KMT2B: variants seen among roughly 807,000 people sequenced by gnomAD.
The protein encoded by KMT2B is lysine methyltransferase 2B.
In KMT2B, 22 loss-of-function variants were observed where a neutral mutation model predicts 255.3. The ratio of observed to expected loss-of-function variants is 0.09; its 90% CI spans 0.06 to 0.12. The LOEUF is 0.12. KMT2B is among the 10% of genes least tolerant of loss of function. The pLI is 1.00. For missense variants in KMT2B, 3,149 were observed against 3,737.0 expected, an observed-to-expected ratio of 0.84 and a Z score of 4.10; for synonymous variants, 1,730 against 1,498.1, an observed-to-expected ratio of 1.15 and a Z score of -3.57.
rs1425421091 is a variant in KMT2B, at chr19:35,733,465, G to A, written c.6916G>A (p.Ala2306Thr). The change falls in exon 28 of 37, where the codon GCC becomes ACC. Residue 2306 changes from alanine to threonine, a missense_variant. By Grantham distance (58) the Ala-to-Thr change is moderately conservative. Around this residue, in one of 18 missense-constraint regions of KMT2B, gnomAD observed 897 missense variants for 825.3 expected, o/e 1.09. Coordinates refer to ENST00000420124, the MANE Select transcript of KMT2B (RefSeq NM_014727.3). The surrounding 1 kb of genome is among the most constrained non-coding windows in gnomAD (Gnocchi z 4.3). ...CCCCCGGCTGGATGAAGATGGAGAGGCCTCAGAGGATACCCCTCAGGTTCC... is the reference window on the plus strand; with the variant it reads ...CCCCCGGCTGGATGAAGATGGAGAGACCTCAGAGGATACCCCTCAGGTTCC... ...KAPRLDEDGE[A>T]SEDTPQVPGL... is the part of the protein sequence containing the mutation. The A allele has an allele frequency of 6.4e-7, 1 of 1,563,128 alleles. No individual in the cohort carries two copies. Among genetic ancestry groups the A allele is most frequent in the Admixed American group, 1.9e-5 (1 of 52,958 alleles).
chr19:35,723,415 C>A lies in KMT2B; in HGVS notation c.3003-32C>A. The stretch of plus-strand genomic sequence containing the variant: ...TCTCTTCCCCCAGACCACCAGTCCC[C>A]TACCCTGGTGACGTGCTGCTCCCCT... On this transcript the variant is annotated intron_variant, in intron 6 of 36. Transcript: ENST00000420124. The surrounding 1 kb of genome is among the most constrained non-coding windows in gnomAD (Gnocchi z 7.5). 6.4e-7 allele frequency: 1 copy of A among 1,559,728 alleles called. No individual in the cohort carries two copies. Among genetic ancestry groups the A allele is most frequent in the Non-Finnish European group, 8.7e-7 (1 of 1,150,770 alleles).
chr19:35,731,077 T>C (rs1969671729), intron 26 of KMT2B, among the ~76,000 whole-genome samples: 1 of 152,214 alleles, frequency 6.6e-6, no homozygotes, highest in South Asian at 2.1e-4. Flanking sequence ...AGCGGCACGC[T>C]GCCTACTTGA....
chr19:35,729,343 GA>G (rs1357061998), intron 22 of KMT2B, 47 bp downstream of exon 22: 1 of 1,554,656 alleles, frequency 6.4e-7, no homozygotes, highest in Non-Finnish European at 8.7e-7. Flanking sequence ...GGCTCTTGGG[GA>G]GGCCTCCTCC....
chr19:35,728,049 G>T lies in KMT2B; in HGVS notation c.4498-49G>T, dbSNP rs779013609. On this transcript the variant is annotated intron_variant, in intron 18 of 36. Coordinates refer to ENST00000420124, the MANE Select transcript of KMT2B (RefSeq NM_014727.3). ...GGACCTTCAGACCCTGCCCCTGCCAGCTCTCCTGGGGAAGCTGGCTCTTCT... is the reference window on the plus strand; with the variant it reads ...GGACCTTCAGACCCTGCCCCTGCCATCTCTCCTGGGGAAGCTGGCTCTTCT... The T allele has an allele frequency of 3.2e-6, 5 of 1,561,948 alleles. No homozygotes were observed. The South Asian group carries it at 4.7e-5, about 15-fold the overall frequency.
chr19:35,724,133 G>C (rs748014382), intron 8 of KMT2B, 126 bp downstream of exon 8: 215 of 917,986 alleles, frequency 2.3e-4, no homozygotes, highest in Non-Finnish European at 3.1e-4. Context: ...GAGGGCGGAG[G>C]AGGAGACAGT....
In KMT2B at chr19:35,725,870, A is replaced by C. The variant is rs955759985; in HGVS notation, c.3885+52A>C. On this transcript the variant is annotated intron_variant, in intron 13 of 36. Coordinates refer to ENST00000420124, the MANE Select transcript of KMT2B (RefSeq NM_014727.3). This position sits in a 1 kb window ranked among gnomAD's most constrained non-coding sequence, Gnocchi z 4.1. ...TTTGTCTCTAATGAATATCACCACC[A>C]CCCCCAAACTTGCTCTAGGCTGGGG... is the stretch of plus-strand genomic sequence containing the variant. 1.4e-4 allele frequency: 206 copies of C among 1,445,792 alleles called. 1 individual carries two copies. Among genetic ancestry groups the C allele is most frequent in the Non-Finnish European group, 1.7e-5 (18 of 1,051,844 alleles). The allele number at this position is 1,445,792 out of a possible 1,614,324, so 89.6% of individuals were successfully genotyped here. A position where few individuals can be genotyped will look rare whatever the true frequency, so the allele number is the denominator to read the frequency against.
chr19:35,723,287 G>A lies in KMT2B; in HGVS notation c.3002+13G>A. ...AGCAGTGCTGTGTGTGAGTAGCTGG[G>A]GCGTGACCTCATTCCCGTGGTTGTT... On this transcript the variant is annotated intron_variant, in intron 6 of 36. Coordinates refer to ENST00000420124, the MANE Select transcript of KMT2B (RefSeq NM_014727.3). The surrounding 1 kb of genome is among the most constrained non-coding windows in gnomAD (Gnocchi z 7.5). The A allele has an allele frequency of 6.2e-7, 1 of 1,606,668 alleles. No individual in the cohort carries two copies. Among genetic ancestry groups the A allele is most frequent in the Non-Finnish European group, 8.5e-7 (1 of 1,175,002 alleles).
intron 19 of KMT2B, among the ~76,000 whole-genome samples, chr19:35,728,431 C>T (rs1163619331): frequency 1.3e-5 from 2 of 151,890 alleles, no homozygotes; most frequent in East Asian, 1.9e-4. Flanking sequence ...ATTGTGGAGC[C>T]GGGCAGGCAC....
In KMT2B at chr19:35,722,564, C is replaced by T; in HGVS notation, c.2572-4C>T. 1 of 1,601,832 alleles carries T rather than the reference C, an allele frequency of 6.2e-7. No individual in the cohort carries two copies. The highest frequency in any genetic ancestry group is 8.5e-7 in the Non-Finnish European group (1 of 1,175,092). On this transcript the variant is annotated splice_polypyrimidine_tract_variant and splice_region_variant and intron_variant, in intron 4 of 36. Transcript: ENST00000420124. Reference sequence around the variant, plus strand: ...GCCCACACACACTCCGATTTCTCCCCCAGGGTCCCGAGTCCCCTGTGCAAG... The same window carrying T: ...GCCCACACACACTCCGATTTCTCCCTCAGGGTCCCGAGTCCCCTGTGCAAG...
Position 35,737,773 on chromosome 19 carries a change from T to TCAC in KMT2B, c.7658+30_7658+31insCAC. 1 of 1,551,758 alleles carries TCAC rather than the reference T, an allele frequency of 6.4e-7. No individual in the cohort carries two copies. Among genetic ancestry groups the TCAC allele is most frequent in the Non-Finnish European group, 8.7e-7 (1 of 1,145,500 alleles). On this transcript the variant is annotated intron_variant, in intron 34 of 36. Transcript: ENST00000420124. The surrounding 1 kb of genome is among the most constrained non-coding windows in gnomAD (Gnocchi z 5.3). ...GGAGTGTGAGCTGGGGGGCGGGTGG[T>TCAC]GGTCTGGAAGGGTCTTAGAGAGTGA... is the stretch of plus-strand genomic sequence containing the variant.
intron 30 of KMT2B, chr19:35,735,683 G>A (rs1436329996): frequency 6.6e-6 from 1 of 152,200 alleles, no homozygotes; most frequent in Non-Finnish European, 1.5e-5. Flanking sequence ...CAGGTTGCAG[G>A]GGGAGGTTTC....
chr19:35,730,988 T>C (rs912256973), intron 26 of KMT2B, 121 bp downstream of exon 26: 8 of 1,134,492 alleles, frequency 7.1e-6, no homozygotes, highest in Admixed American at 2.9e-5. Flanking sequence ...GTTGCTGTAA[T>C]GTAACGGCAG....
intron 8 of KMT2B, 122 bp downstream of exon 8, chr19:35,724,129 G>A (rs567826590): frequency 6.5e-5 from 62 of 957,100 alleles, no homozygotes; most frequent in Non-Finnish European, 7.9e-5. Flanking sequence ...GGCTGAGGGC[G>A]GAGGAGGAGA....
intron 26 of KMT2B, 23 bp from the exon 27 acceptor site, chr19:35,731,885 A>G (rs1226858043): frequency 6.4e-7 from 1 of 1,560,842 alleles, no homozygotes; most frequent in Non-Finnish European, 8.8e-7. Flanking sequence ...CTACCACCCC[A>G]ATGCCATTTC....
In KMT2B at chr19:35,718,115, C is replaced by T. The variant is rs1348715743; in HGVS notation, c.97C>T (p.Arg33Cys). ...RPRGAGGGGG[R>C]GGRGNGAERV... Reference sequence around the variant, plus strand: ...GCGGGGCGCCGGCGGGGGCGGGGGCCGCGGCGGACGGGGCAACGGGGCCGA... The same window carrying T: ...GCGGGGCGCCGGCGGGGGCGGGGGCTGCGGCGGACGGGGCAACGGGGCCGA... The change falls in exon 1 of 37, where the codon CGC (arginine) becomes TGC (cysteine). Residue 33 changes from arginine (R) to cysteine (C), a missense_variant. Transcript: ENST00000420124. This position sits in a 1 kb window ranked among gnomAD's most constrained non-coding sequence, Gnocchi z 5.0. 4 of 1,000,838 alleles carry T rather than the reference C, an allele frequency of 4.0e-6. No individual in the cohort carries two copies. The highest frequency in any genetic ancestry group is 4.8e-6 in the Non-Finnish European group (4 of 841,658). The allele number at this position is 1,000,838 out of a possible 1,614,324, so 62.0% of individuals were successfully genotyped here. A position where few individuals can be genotyped will look rare whatever the true frequency, so the allele number is the denominator to read the frequency against.
Position 35,733,282 on chromosome 19 carries a change from G to A in KMT2B, c.6733G>A (p.Val2245Met), listed in dbSNP as rs771130237. 39 of 1,450,074 alleles carry A rather than the reference G, an allele frequency of 2.7e-5. No homozygotes were observed. Among genetic ancestry groups the A allele is most frequent in the Admixed American group, 4.1e-5 (2 of 48,902 alleles). The allele number at this position is 1,450,074 out of a possible 1,614,324, so 89.8% of individuals were successfully genotyped here. The change falls in exon 28 of 37, where the codon GTG becomes ATG. Residue 2245 changes from valine to methionine, a missense_variant. Physicochemically the swap from Val to Met is conservative, Grantham distance 21 (BLOSUM62 1). This residue lies in a region of KMT2B where 897 missense variants were observed against 825.3 expected (regional missense o/e 1.09). Coordinates refer to ENST00000420124, the MANE Select transcript of KMT2B (RefSeq NM_014727.3). This position sits in a 1 kb window ranked among gnomAD's most constrained non-coding sequence, Gnocchi z 4.3. Reference protein sequence around the residue: ...PPGPLLGVLPVVGVVRPAPPP... With the variant: ...PPGPLLGVLPMVGVVRPAPPP... The stretch of plus-strand genomic sequence containing the variant: ...AGGCCCCCTCCTCGGCGTGCTGCCC[G>A]TGGTCGGAGTGGTCCGCCCTGCCCC...
In KMT2B at chr19:35,733,545, G is replaced by A. The variant is rs1969806855; in HGVS notation, c.6959+37G>A. 1 of 1,555,086 alleles carries A rather than the reference G, an allele frequency of 6.4e-7. No homozygotes were observed. The highest frequency in any genetic ancestry group is 1.9e-5 in the Admixed American group (1 of 51,344). ...TGCTGAGGCTGGCAGAGCAGGCAAGGGGGCAGATGGGCGGGAGATGCGGCT... is the reference window on the plus strand; with the variant it reads ...TGCTGAGGCTGGCAGAGCAGGCAAGAGGGCAGATGGGCGGGAGATGCGGCT... On this transcript the variant is annotated intron_variant, in intron 28 of 36. Coordinates refer to ENST00000420124, the MANE Select transcript of KMT2B (RefSeq NM_014727.3). The surrounding 1 kb of genome is among the most constrained non-coding windows in gnomAD (Gnocchi z 4.3).
Position 35,722,428 on chromosome 19 carries a change from C to G in KMT2B, c.2527C>G (p.Arg843Gly). Reference sequence around the variant, plus strand: ...GCAGATCTCCGACAGAGGCCCTGTCCGGTCTGAAGATGAGTCGGTGGAAGC... The same window carrying G: ...GCAGATCTCCGACAGAGGCCCTGTCGGGTCTGAAGATGAGTCGGTGGAAGC... The part of the protein sequence containing the change: ...VKQISDRGPV[R>G]SEDESVEAKR... Residue 843 changes from arginine (R) to glycine (G), a missense_variant, in exon 4 of 37, where the codon CGG becomes GGG. This residue lies in a region of KMT2B where 1,188 missense variants were observed against 1,106.4 expected (regional missense o/e 1.07). Transcript: ENST00000420124. 2 of 1,610,476 alleles carry G rather than the reference C, an allele frequency of 1.2e-6. No homozygotes were observed. The highest frequency in any genetic ancestry group is 1.7e-6 in the Non-Finnish European group (2 of 1,179,818).
rs149968598 is a variant in KMT2B at position 35,723,134 on chromosome 19, C to T, written c.2862C>T (p.Pro954=). The change falls in exon 6 of 37, where the codon CCC becomes CCT. Residue 954 remains proline, a synonymous_variant. Coordinates refer to ENST00000420124, the MANE Select transcript of KMT2B (RefSeq NM_014727.3). This position sits in a 1 kb window ranked among gnomAD's most constrained non-coding sequence, Gnocchi z 7.5. ...CCCACACACCCCGGCGCTCACTGCCCTCCCATCACGGCAAGAAGATGCGCA... is the reference window on the plus strand; with the variant it reads ...CCCACACACCCCGGCGCTCACTGCCTTCCCATCACGGCAAGAAGATGCGCA... ...TLAHTPRRSL[P]SHHGKKMRMA... is the part of the protein sequence containing the mutation. The T allele has an allele frequency of 7.4e-4, 1,200 of 1,613,548 alleles. 4 individuals carry two copies. The African/African-American group carries it at 0.014, about 19-fold the overall frequency.
Sources: allele counts gnomAD v4.1 joint callset (sites outside exome capture counted in the v4.1 genomes callset), GRCh38; gene constraint gnomAD v4.1.1; regional missense constraint gnomAD v4.1.1; non-coding constraint Gnocchi (gnomAD v3.1); transcripts MANE v1.5; gene names NCBI Gene and HGNC (gene_info 2026-07-23, HGNC 2026-07-21).